LRTM2: variants seen among roughly 807,000 people sequenced by gnomAD.
LRTM2 encodes leucine rich repeat transmembrane protein 2.
Under a neutral mutation model 28.1 loss-of-function variants are expected in LRTM2, and 18 were observed. The ratio of observed to expected loss-of-function variants is 0.64; its 90% CI spans 0.44 to 0.95. The LOEUF (loss-of-function observed/expected upper bound fraction) is 0.95. Among genes scored for constraint, LRTM2 ranks in the 40% least tolerant of loss-of-function variants. The pLI is 0.00. For missense variants in LRTM2, 436 were observed against 497.2 expected, an observed-to-expected ratio of 0.88 and a Z score of 1.17; for synonymous variants, 250 against 218.7, an observed-to-expected ratio of 1.14 and a Z score of -1.26.
chr12:1,834,921 C>T lies in LRTM2; in HGVS notation c.*200C>T. 1.1e-6 allele frequency: 1 copy of T among 935,342 alleles called. No homozygotes were observed. The highest frequency in any genetic ancestry group is 1.5e-6 in the Non-Finnish European group (1 of 650,600). The allele number at this position is 935,342 out of a possible 1,614,324, so 57.9% of individuals were successfully genotyped here. Reference sequence around the variant, plus strand: ...AAAGCCACCGTGCTGGGGGCTCCTGCTGATGCTCCTGTCTGGGCCAGTAAA... The same window carrying T: ...AAAGCCACCGTGCTGGGGGCTCCTGTTGATGCTCCTGTCTGGGCCAGTAAA... On this transcript the variant is annotated 3_prime_UTR_variant, in exon 5 of 5. Transcript: ENST00000299194. The surrounding 1 kb of genome is among the most constrained non-coding windows in gnomAD (Gnocchi z 7.6).
intron 1 of LRTM2, among the ~76,000 whole-genome samples, chr12:1,824,982 A>G (rs1864256669): frequency 6.6e-6 from 1 of 152,204 alleles, no homozygotes; most frequent in African/African-American, 2.4e-5. Context: ...CTGCTAAGAG[A>G]GCACAGGGCA....
chr12:1,831,356 C>A lies in LRTM2; in HGVS notation c.489C>A (p.Leu163=), dbSNP rs749820740. The change falls in exon 4 of 5, where the codon CTC becomes CTA. Residue 163 remains leucine, a synonymous_variant. Transcript: ENST00000299194. ...TGCCCCCTGGTCTTTTCGACGGGCT[C>A]CTGGCTCTGCGCTCCCTCTCGCTTC... ...AQLPPGLFDG[L]LALRSLSLRS... The A allele has an allele frequency of 6.2e-7, 1 of 1,613,964 alleles. No individual in the cohort carries two copies. The highest frequency in any genetic ancestry group is 1.1e-5 in the South Asian group (1 of 91,090).
intron 1 of LRTM2, chr12:1,822,182 T>C (rs918363800): frequency 1.3e-5 from 2 of 152,018 alleles, no homozygotes; most frequent in African/African-American, 4.8e-5. Flanking sequence ...CTGGTGTCTT[T>C]GGGGTTTGAC....
In LRTM2 at chr12:1,834,458, G is replaced by T; in HGVS notation, c.850G>T (p.Glu284Ter). ...GCCTGCTAAGCCCAAGCCCGGGGCT[G>T]AGCCGGAGCCGGAGCCCAGCACAGC... ...PEPAKPKPGA[E>*]PEPEPSTACP... Residue 284 changes from glutamate to a stop codon, truncating the protein, a stop_gained, in exon 5 of 5, where the codon GAG becomes TAG. Coordinates refer to ENST00000299194, the MANE Select transcript of LRTM2 (RefSeq NM_001039029.3). LOFTEE classifies it high-confidence loss of function. This position sits in a 1 kb window ranked among gnomAD's most constrained non-coding sequence, Gnocchi z 7.6. 1 of 1,610,908 alleles carries T rather than the reference G, an allele frequency of 6.2e-7. No individual in the cohort carries two copies.
Position 1,834,620 on chromosome 12 carries a change from C to T in LRTM2, c.1012C>T (p.Leu338Phe), listed in dbSNP as rs1198395730. 6.2e-7 allele frequency: 1 copy of T among 1,600,156 alleles called. No individual in the cohort carries two copies. Among genetic ancestry groups the T allele is most frequent in the Non-Finnish European group, 8.5e-7 (1 of 1,179,914 alleles). The change falls in exon 5 of 5, where the codon CTC becomes TTC. Residue 338 changes from leucine to phenylalanine, a missense_variant. Physicochemically the swap from Leu to Phe is conservative, Grantham distance 22 (BLOSUM62 0). Transcript: ENST00000299194. This position sits in a 1 kb window ranked among gnomAD's most constrained non-coding sequence, Gnocchi z 7.6. ...TGCCTATGGCTGCATCTACGCCTCCCTCATGGCCAAGTACCACCGGGAGCT... is the reference window on the plus strand; with the variant it reads ...TGCCTATGGCTGCATCTACGCCTCCTTCATGGCCAAGTACCACCGGGAGCT... ...AAAYGCIYASLMAKYHRELKK... is the reference protein window; with the variant it reads ...AAAYGCIYASFMAKYHRELKK...
chr12:1,831,122 C>G lies in LRTM2; in HGVS notation c.255C>G (p.Ser85Arg), dbSNP rs775962971. ...ACAATAAGCTGAGTGCCCTGCCAAG[C>G]TGGGCTTTCGCCAACCTCTCCAGCC... ...LLNNKLSALPSWAFANLSSLQ... is the reference protein window; with the variant it reads ...LLNNKLSALPRWAFANLSSLQ... The change falls in exon 4 of 5, where the codon AGC becomes AGG. Residue 85 changes from serine to arginine, a missense_variant. Physicochemically the swap from Ser to Arg is moderately radical, Grantham distance 110. Transcript: ENST00000299194. 1 of 1,613,900 alleles carries G rather than the reference C, an allele frequency of 6.2e-7. No homozygotes were observed. The highest frequency in any genetic ancestry group is 1.3e-5 in the African/African-American group (1 of 74,946).
chr12:1,833,224 G>A lies in LRTM2; in HGVS notation c.659-1043G>A, dbSNP rs531902662. 2.0e-5 allele frequency among the ~76,000 whole-genome samples: 3 copies of A among 152,342 alleles called. No homozygotes were observed. The highest frequency in any genetic ancestry group is 7.2e-5 in the African/African-American group (3 of 41,590). On this transcript the variant is annotated intron_variant, in intron 4 of 4. Coordinates refer to ENST00000299194, the MANE Select transcript of LRTM2 (RefSeq NM_001039029.3). This position sits in a 1 kb window ranked among gnomAD's most constrained non-coding sequence, Gnocchi z 4.2. ...GAAAGATTGATGCCTATTGTATGAG[G>A]AGACTTGCGGCAGATGGGCTGCAGA...
rs1855749824 is a variant in LRTM2 at position 1,829,282 on chromosome 12, T to G, written c.67+1067T>G. ...CAGATCCTTTTGAGAGGGAGCTGAA[T>G]GCGTTGGATTTTATTTCCTGGGGAA... is the stretch of plus-strand genomic sequence containing the variant. On this transcript the variant is annotated intron_variant, in intron 3 of 4. Coordinates refer to ENST00000299194, the MANE Select transcript of LRTM2 (RefSeq NM_001039029.3). This position sits in a 1 kb window ranked among gnomAD's most constrained non-coding sequence, Gnocchi z 4.2. Among the ~76,000 whole-genome samples, 1 of 152,142 alleles carries G rather than the reference T, an allele frequency of 6.6e-6. No individual in the cohort carries two copies. Among genetic ancestry groups the G allele is most frequent in the South Asian group, 2.1e-4 (1 of 4,836 alleles).
chr12:1,824,938 A>T (rs80224265), intron 1 of LRTM2, among the ~76,000 whole-genome samples: 2,040 of 152,318 alleles, frequency 0.013, 49 homozygotes, highest in African/African-American at 0.047. Context: ...GGTGTCCAGG[A>T]GGAAGCCCAA....
rs1224507176 is a variant in LRTM2 at position 1,833,525 on chromosome 12, C to T, written c.659-742C>T. 1.3e-5 allele frequency among the ~76,000 whole-genome samples: 2 copies of T among 152,212 alleles called. No homozygotes were observed. Among genetic ancestry groups the T allele is most frequent in the African/African-American group, 2.4e-5 (1 of 41,452 alleles). ...AGGTACCCACACCTCCTCATCAACACCAGCCTCCTCTCCTTGGCCTCGTGT... is the reference window on the plus strand; with the variant it reads ...AGGTACCCACACCTCCTCATCAACATCAGCCTCCTCTCCTTGGCCTCGTGT... On this transcript the variant is annotated intron_variant, in intron 4 of 4. Coordinates refer to ENST00000299194, the MANE Select transcript of LRTM2 (RefSeq NM_001039029.3). This position sits in a 1 kb window ranked among gnomAD's most constrained non-coding sequence, Gnocchi z 4.2.
intron 3 of LRTM2, among the ~76,000 whole-genome samples, chr12:1,830,240 T>A (rs1222770149): frequency 1.3e-5 from 2 of 152,254 alleles, no homozygotes; most frequent in African/African-American, 4.8e-5. Context: ...TCTTAGCCTG[T>A]CACTCCCACA....
chr12:1,831,868 G>A (rs1486236865), intron 4 of LRTM2, among the ~76,000 whole-genome samples: 1 of 152,086 alleles, frequency 6.6e-6, no homozygotes, highest in Non-Finnish European at 1.5e-5. Context: ...AGACACCTGG[G>A]CTTTGTATCC....
intron 1 of LRTM2, chr12:1,822,074 A>G (rs1465371411): frequency 1.3e-5 from 2 of 151,932 alleles, no homozygotes; most frequent in African/African-American, 4.8e-5. Flanking sequence ...CCACCTCCCC[A>G]CCGGCAGAAA....
chr12:1,831,631 G>A (rs1864635579), intron 4 of LRTM2, 106 bp downstream of exon 4: 1 of 975,660 alleles, frequency 1.0e-6, no homozygotes, highest in Non-Finnish European at 1.5e-6. Context: ...CAGGCCAGGG[G>A]AAAGAAGGGG....
chr12:1,831,205 G>A lies in LRTM2; in HGVS notation c.338G>A (p.Gly113Glu), dbSNP rs1407218744. The A allele has an allele frequency of 3.1e-6, 5 of 1,613,762 alleles. No homozygotes were observed. Among genetic ancestry groups the A allele is most frequent in the Middle Eastern group, 1.6e-4 (1 of 6,062 alleles). ...GACCGGCTGCCCCGCTCCATTTTCG[G>A]GGACCTGACGAATCTGACTGAGCTT... ...FLDRLPRSIF[G>E]DLTNLTELQL... The change falls in exon 4 of 5, where the codon GGG becomes GAG. Residue 113 changes from glycine to glutamate, a missense_variant. By Grantham distance (98) the Gly-to-Glu change is moderately conservative. Transcript: ENST00000299194.
In LRTM2 at chr12:1,834,674, C is replaced by T. The variant is rs368513861; in HGVS notation, c.1066C>T (p.Pro356Ser). 2 of 1,601,712 alleles carry T rather than the reference C, an allele frequency of 1.2e-6. No homozygotes were observed. The highest frequency in any genetic ancestry group is 2.7e-5 in the African/African-American group (2 of 74,902). Residue 356 changes from proline (P) to serine (S), a missense_variant, in exon 5 of 5, where the codon CCC (proline) becomes TCC (serine). Transcript: ENST00000299194. This position sits in a 1 kb window ranked among gnomAD's most constrained non-coding sequence, Gnocchi z 7.6. ...AAAGCGCCAGCCCCTGATGGGGGAC[C>T]CCGAGGGCGAGCACGAGGACCAGAA... ...LKKRQPLMGDPEGEHEDQKQI... is the reference protein window; with the variant it reads ...LKKRQPLMGDSEGEHEDQKQI...
chr12:1,826,451 C>T (rs1864330855), intron 1 of LRTM2, among the ~76,000 whole-genome samples: 1 of 137,592 alleles, frequency 7.3e-6, no homozygotes, highest in Admixed American at 7.9e-5. Flanking sequence ...GGAGCCTGGC[C>T]TTGAGACAGT....
Position 1,833,413 on chromosome 12 carries a change from C to A in LRTM2, c.659-854C>A, listed in dbSNP as rs569524531. On this transcript the variant is annotated intron_variant, in intron 4 of 4. Transcript: ENST00000299194. This position sits in a 1 kb window ranked among gnomAD's most constrained non-coding sequence, Gnocchi z 4.2. ...TGTCCTCAACCACCTTCTCTCTCAC[C>A]CCAGCCCTGTCCTGCATCTGTGTCT... 6.6e-6 allele frequency among the ~76,000 whole-genome samples: 1 copy of A among 152,236 alleles called. No homozygotes were observed. The highest frequency in any genetic ancestry group is 1.9e-4 in the East Asian group (1 of 5,178).
intron 4 of LRTM2, among the ~76,000 whole-genome samples, chr12:1,832,341 G>A (rs1362015034): frequency 6.6e-6 from 1 of 152,202 alleles, no homozygotes; most frequent in Admixed American, 6.5e-5. Context: ...GTCATTATGA[G>A]AATTAAATGT....
Sources: gnomAD v4.1 joint callset for allele counts (sites outside exome capture counted in the v4.1 genomes callset) on GRCh38, gnomAD v4.1.1 for gene constraint, Gnocchi (gnomAD v3.1) non-coding constraint, MANE v1.5 for transcripts, NCBI Gene and HGNC (gene_info 2026-07-23, HGNC 2026-07-21) for gene names.